ADAMTS6: variants seen among roughly 807,000 people sequenced by gnomAD.
ADAMTS6 encodes the protein A disintegrin and metalloproteinase with thrombospondin motifs 6.
In ADAMTS6, 23 loss-of-function variants were observed where a neutral mutation model predicts 144.3. The observed-to-expected ratio is 0.16, with a 90% confidence interval of 0.11 to 0.23. ADAMTS6 has a LOEUF of 0.23. ADAMTS6 is among the 10% of genes least tolerant of loss of function. ADAMTS6 has a pLI of 1.00. For missense variants in ADAMTS6, 999 were observed against 1,379.6 expected (o/e 0.72, Z 4.37); for synonymous variants, 444 against 457.5 (o/e 0.97, Z 0.38).
intron 14 of ADAMTS6, among the ~76,000 whole-genome samples, chr5:65,259,149 G>C (rs1027212500): frequency 1.1e-4 from 16 of 151,988 alleles, no homozygotes; most frequent in African/African-American, 3.6e-4. Flanking sequence ...CTGAGGTCAG[G>C]AGTTCGAGAC....
intron 7 of ADAMTS6, among the ~76,000 whole-genome samples, chr5:65,347,422 C>T (rs1018246981): frequency 1.3e-5 from 2 of 151,932 alleles, no homozygotes; most frequent in African/African-American, 4.8e-5. Flanking sequence ...CTTCAGTAAA[C>T]AGTGCTGGGA....
chr5:65,255,051 C>T (rs909330216), intron 14 of ADAMTS6, among the ~76,000 whole-genome samples: 5 of 152,172 alleles, frequency 3.3e-5, no homozygotes, highest in Admixed American at 1.3e-4. Flanking sequence ...ACACCTGTGG[C>T]GTACCCACTA....
intron 13 of ADAMTS6, among the ~76,000 whole-genome samples, chr5:65,262,364 T>C (rs1761275050): frequency 6.6e-6 from 1 of 152,238 alleles, no homozygotes; most frequent in Non-Finnish European, 1.5e-5. Context: ...TGATTTGTGA[T>C]GCGAATCAAG....
At chr5:65,339,460 A>AG (rs2150072740) in intron 7 of ADAMTS6, among the ~76,000 whole-genome samples, 1 of 151,950 alleles carries the variant, frequency 6.6e-6, no homozygotes, top group South Asian at 2.1e-4. Context: ...AAAAGCAAAA[A>AG]AAAAAAAAAT....
intron 4 of ADAMTS6, among the ~76,000 whole-genome samples, chr5:65,455,988 TC>T (rs1453707927): frequency 6.6e-6 from 1 of 151,352 alleles, no homozygotes; most frequent in East Asian, 1.9e-4. Context: ...TTTATGAATA[TC>T]CATCAAAGGC....
intron 9 of ADAMTS6, among the ~76,000 whole-genome samples, chr5:65,318,087 A>G (rs1580377330): frequency 6.6e-6 from 1 of 151,578 alleles, no homozygotes; most frequent in African/African-American, 2.4e-5. Flanking sequence ...AAAAAAAAAA[A>G]AAAAAGAAGA....
chr5:65,323,093 AATTTC>A (rs1404565557), intron 9 of ADAMTS6, among the ~76,000 whole-genome samples: 1 of 152,026 alleles, frequency 6.6e-6, no homozygotes, highest in East Asian at 1.9e-4. Context: ...CAAACCAACC[AATTTC>A]ATTTATTTAT....
intron 11 of ADAMTS6, among the ~76,000 whole-genome samples, chr5:65,275,739 T>G (rs1762481348): frequency 6.6e-6 from 1 of 151,968 alleles, no homozygotes; most frequent in Admixed American, 6.5e-5. Context: ...TTATATTCCT[T>G]AATATATTCT....
At chr5:65,352,456 G>T (rs1470824405) in intron 7 of ADAMTS6, among the ~76,000 whole-genome samples, 1 of 152,062 alleles carries the variant, frequency 6.6e-6, no homozygotes, top group East Asian at 1.9e-4. Flanking sequence ...AACTATGAGT[G>T]GGAAGGGACG....
rs147883673 is a variant in ADAMTS6, at chr5:65,465,753, T to C, written c.462+5025A>G. On this transcript the variant is annotated intron_variant, in intron 3 of 24. Coordinates refer to ENST00000381055, the MANE Select transcript of ADAMTS6 (RefSeq NM_197941.4). ...ACTTTCCTCTTGAAATATTTCCTTCTGGCTTCCAGAACATTTTCCAGATAT... is the reference window on the plus strand; with the variant it reads ...ACTTTCCTCTTGAAATATTTCCTTCCGGCTTCCAGAACATTTTCCAGATAT... 7.9e-3 allele frequency among the ~76,000 whole-genome samples: 1,205 copies of C among 152,340 alleles called. 5 individuals carry two copies. Among genetic ancestry groups the C allele is most frequent in the Non-Finnish European group, 0.012 (807 of 68,024 alleles).
At chr5:65,451,029 A>ATTAT (rs1269033532) in intron 7 of ADAMTS6, among the ~76,000 whole-genome samples, 1 of 152,168 alleles carries the variant, frequency 6.6e-6, no homozygotes, top group African/African-American at 2.4e-5. Context: ...AAGTTGTATA[A>ATTAT]CTGCCAGTCT....
chr5:65,342,857 A>G (rs1374474398), intron 7 of ADAMTS6, among the ~76,000 whole-genome samples: 1 of 152,168 alleles, frequency 6.6e-6, no homozygotes, highest in Non-Finnish European at 1.5e-5. Context: ...CAGTAAAGTT[A>G]CAGAATACAA....
intron 10 of ADAMTS6, among the ~76,000 whole-genome samples, chr5:65,299,097 A>G (rs889808196): frequency 4.6e-5 from 7 of 152,162 alleles, no homozygotes; most frequent in Non-Finnish European, 7.4e-5. Flanking sequence ...AAATGGCACA[A>G]AACAGTTAAA....
At chr5:65,294,100 T>G (rs1218558155) in intron 10 of ADAMTS6, among the ~76,000 whole-genome samples, 1 of 152,230 alleles carries the variant, frequency 6.6e-6, no homozygotes, top group Admixed American at 6.5e-5. Context: ...TTAAATTGGT[T>G]GTACATTTCT....
chr5:65,294,343 C>T (rs541476697), intron 10 of ADAMTS6, among the ~76,000 whole-genome samples: 3 of 152,106 alleles, frequency 2.0e-5, no homozygotes, highest in Non-Finnish European at 2.9e-5. Flanking sequence ...CCTCAGCCTC[C>T]GGAGGAGCTG....
intron 9 of ADAMTS6, among the ~76,000 whole-genome samples, chr5:65,302,312 T>C (rs1014031695): frequency 2.1e-5 from 3 of 145,058 alleles, no homozygotes; most frequent in Non-Finnish European, 4.5e-5. Context: ...ATAATTATTA[T>C]ATACATATAC....
chr5:65,295,504 A>G (rs1384261665), intron 10 of ADAMTS6, among the ~76,000 whole-genome samples: 1 of 152,110 alleles, frequency 6.6e-6, no homozygotes, highest in Non-Finnish European at 1.5e-5. Flanking sequence ...CTCAGAAAAC[A>G]TGAACCTCAC....
intron 2 of ADAMTS6, among the ~76,000 whole-genome samples, chr5:65,471,616 G>A (rs1302568728): frequency 6.6e-6 from 1 of 151,986 alleles, no homozygotes; most frequent in Non-Finnish European, 1.5e-5. Context: ...AAATTATCCG[G>A]GCGTTGCGGC....
At chr5:65,419,721 G>T (rs1235557728) in intron 7 of ADAMTS6, among the ~76,000 whole-genome samples, 1 of 152,132 alleles carries the variant, frequency 6.6e-6, no homozygotes, top group African/African-American at 2.4e-5. Flanking sequence ...TATGCTACAA[G>T]AAAGAGGTCA....
Sources: allele counts gnomAD v4.1 joint callset (sites outside exome capture counted in the v4.1 genomes callset), GRCh38; gene constraint gnomAD v4.1.1; transcripts MANE v1.5; gene names NCBI Gene and HGNC (gene_info 2026-07-23, HGNC 2026-07-21).